Variants in SLC38A12 observed in about 807,000 individuals in gnomAD.
The protein encoded by SLC38A12 is solute carrier family 38 member 12.
At chr17:74,782,686 A>G in the SLC38A12 span, among the ~76,000 whole-genome samples, 9 of 152,158 alleles carry the variant, frequency 5.9e-5, no homozygotes, top group African/African-American at 1.9e-4. Flanking sequence ...GTCTCACCCA[A>G]CTGCTGCCCT....
chr17:74,832,802 T>TCC, the SLC38A12 span, among the ~76,000 whole-genome samples: 1 of 152,190 alleles, frequency 6.6e-6, no homozygotes, highest in South Asian at 2.1e-4. Context: ...TGGAATCACC[T>TCC]CCCAAGAGCT....
the SLC38A12 span, among the ~76,000 whole-genome samples, chr17:74,807,386 G>A: frequency 1.3e-5 from 2 of 152,368 alleles, no homozygotes; most frequent in East Asian, 1.9e-4. Context: ...GTTGCTCCCT[G>A]AAGGTTGCAA....
chr17:74,806,821 G>A, the SLC38A12 span, among the ~76,000 whole-genome samples: 4 of 152,082 alleles, frequency 2.6e-5, no homozygotes, highest in African/African-American at 4.8e-5. Flanking sequence ...AAGGATCAAA[G>A]TCCCTTTTAA....
the SLC38A12 span, among the ~76,000 whole-genome samples, chr17:74,812,290 C>T: frequency 2.6e-5 from 4 of 152,144 alleles, no homozygotes; most frequent in Non-Finnish European, 4.4e-5. Context: ...GCCCTAGCCA[C>T]GTGACCCTGA....
chr17:74,803,201 G>A, the SLC38A12 span, among the ~76,000 whole-genome samples: 43,679 of 152,080 alleles, frequency 0.29, 6,574 homozygotes, highest in East Asian at 0.41. Context: ...TTAAGCATTT[G>A]TAAAAGAACT....
At chr17:74,826,151 G>T in the SLC38A12 span, among the ~76,000 whole-genome samples, 1 of 152,210 alleles carries the variant, frequency 6.6e-6, no homozygotes, top group Non-Finnish European at 1.5e-5. Flanking sequence ...GACAACTTAA[G>T]AATGAAAAAT....
chr17:74,832,326 TCTCCA>T, the SLC38A12 span, among the ~76,000 whole-genome samples: 1 of 152,064 alleles, frequency 6.6e-6, no homozygotes, highest in Non-Finnish European at 1.5e-5. Context: ...TTCCCTTCAC[TCTCCA>T]CTCCCAGGGG....
At chr17:74,787,681 C>T in the SLC38A12 span, among the ~76,000 whole-genome samples, 1 of 151,934 alleles carries the variant, frequency 6.6e-6, no homozygotes, top group Admixed American at 6.6e-5. Context: ...TGCTGTTCCA[C>T]GGCAGAGATG....
chr17:74,801,031 G>A, the SLC38A12 span, among the ~76,000 whole-genome samples: 5 of 152,302 alleles, frequency 3.3e-5, no homozygotes, highest in Non-Finnish European at 7.3e-5. Flanking sequence ...AAACCAAGAC[G>A]AGTCAGGAGG....
At chr17:74,793,176 G>C in the SLC38A12 span, among the ~76,000 whole-genome samples, 1 of 152,182 alleles carries the variant, frequency 6.6e-6, no homozygotes, top group Admixed American at 6.5e-5. Context: ...CCTCTACCCT[G>C]GAGTTTCTCA....
the SLC38A12 span, among the ~76,000 whole-genome samples, chr17:74,819,079 C>T: frequency 6.6e-6 from 1 of 152,372 alleles, no homozygotes; most frequent in South Asian, 2.1e-4. Context: ...GTCCCATCCT[C>T]AGCCCAGAAC....
At chr17:74,827,438 A>G in the SLC38A12 span, among the ~76,000 whole-genome samples, 10 of 151,946 alleles carry the variant, frequency 6.6e-5, no homozygotes, top group African/African-American at 2.4e-4. This position sits in a 1 kb window ranked among gnomAD's most constrained non-coding sequence, Gnocchi z 4.7. Context: ...TGGGATTACA[A>G]GCATGGGCCA....
the SLC38A12 span, among the ~76,000 whole-genome samples, chr17:74,833,924 C>T: frequency 6.6e-6 from 1 of 152,146 alleles, no homozygotes; most frequent in African/African-American, 2.4e-5. Flanking sequence ...AACAAATCAC[C>T]AGGTGCCCCG....
chr17:74,790,726 C>T, the SLC38A12 span, among the ~76,000 whole-genome samples: 11 of 150,628 alleles, frequency 7.3e-5, no homozygotes, highest in South Asian at 4.2e-4. Context: ...TAGGCTCTGA[C>T]GCCTGCTCTC....
chr17:74,814,634 A>G, the SLC38A12 span, among the ~76,000 whole-genome samples: 1 of 152,198 alleles, frequency 6.6e-6, no homozygotes, highest in African/African-American at 2.4e-5. Flanking sequence ...GGCTTTGCCA[A>G]GTCAGGCACT....
chr17:74,783,761 C>T, the SLC38A12 span, among the ~76,000 whole-genome samples: 6 of 121,664 alleles, frequency 4.9e-5, no homozygotes, highest in Non-Finnish European at 9.5e-5. Flanking sequence ...GACGGAGTCT[C>T]GCTCTGTTGC....
the SLC38A12 span, among the ~76,000 whole-genome samples, chr17:74,834,048 C>T: frequency 6.6e-6 from 1 of 152,134 alleles, no homozygotes; most frequent in Non-Finnish European, 1.5e-5. Context: ...CGGTACCCCT[C>T]CTGCACATCC....
chr17:74,813,159 C>T, the SLC38A12 span, among the ~76,000 whole-genome samples: 2 of 152,224 alleles, frequency 1.3e-5, no homozygotes, highest in African/African-American at 2.4e-5. Flanking sequence ...AGGATGAGAA[C>T]AAAAGCGTCG....
At chr17:74,778,074 A>G in the SLC38A12 span, among the ~76,000 whole-genome samples, 1 of 143,166 alleles carries the variant, frequency 7.0e-6, no homozygotes, top group Non-Finnish European at 1.5e-5. Flanking sequence ...CACAACTTTT[A>G]TAGTCTTGGA....
Sources: gnomAD v4.1 joint callset for allele counts (sites outside exome capture counted in the v4.1 genomes callset) on GRCh38, gnomAD v4.1.1 for gene constraint, Gnocchi (gnomAD v3.1) non-coding constraint, MANE v1.5 for transcripts, NCBI Gene and HGNC (gene_info 2026-07-23, HGNC 2026-07-21) for gene names.